Variants in AP2A1 observed in about 807,000 individuals in gnomAD.
AP2A1 encodes adaptor related protein complex 2 subunit alpha 1.
Under a neutral mutation model 107.3 loss-of-function variants are expected in AP2A1, and 21 were observed. The observed-to-expected ratio is 0.20, with a 90% CI of 0.14 to 0.28. The LOEUF (loss-of-function observed/expected upper bound fraction) is 0.28, where lower values mean the gene tolerates loss of function less well. Among genes scored for constraint, AP2A1 ranks in the 10% least tolerant of loss-of-function variants. AP2A1 has a pLI of 1.00. For synonymous variants in AP2A1, 602 were observed against 564.8 expected (o/e 1.07, Z -0.93); for missense variants, 873 against 1,307.7 (o/e 0.67, Z 5.13).
At chr19:49,786,541 C>G (rs2084739062) in intron 4 of AP2A1, among the ~76,000 whole-genome samples, 1 of 152,138 alleles carries the variant, frequency 6.6e-6, no homozygotes, top group South Asian at 2.1e-4. Context: ...TGGGAATTCC[C>G]AAAAGCTGGG....
chr19:49,795,581 T>TGC, intron 6 of AP2A1, 49 bp from the exon 7 acceptor site: 1 of 778,406 alleles, frequency 1.3e-6, no homozygotes, highest in Non-Finnish European at 2.2e-6. Context: ...TGGACCCACG[T>TGC]GCCCCTCCCA....
At chr19:49,804,487 C>G (rs1432967262) in intron 18 of AP2A1, 1 of 151,736 alleles carries the variant, frequency 6.6e-6, no homozygotes, top group Admixed American at 6.6e-5. Flanking sequence ...TTGCAGTAAG[C>G]CGAGATTGCG....
At chr19:49,799,850 A>C in intron 10 of AP2A1, 84 bp downstream of exon 10, 2 of 1,560,910 alleles carry the variant, frequency 1.3e-6, no homozygotes, top group Admixed American at 1.9e-5. Flanking sequence ...CTAAGGGAGG[A>C]GGGGCTGGGG....
rs2073409468 is a variant in AP2A1 at position 49,806,953 on chromosome 19, G to A, written c.*195G>A. The A allele has an allele frequency of 4.6e-6, 7 of 1,533,628 alleles. No homozygotes were observed. The highest frequency in any genetic ancestry group is 6.1e-6 in the Non-Finnish European group (7 of 1,146,694). On this transcript the variant is annotated 3_prime_UTR_variant, in exon 23 of 23. Coordinates refer to ENST00000354293, the MANE Select transcript of AP2A1 (RefSeq NM_130787.3). ...TGTTTACATTCTGGGGGGTTAGGGG[G>A]AGTCCCCCTCCCTCCCTTTCCCCCC...
intron 7 of AP2A1, chr19:49,796,088 A>G (rs1568584306): frequency 1.4e-5 from 4 of 277,460 alleles, no homozygotes; most frequent in Non-Finnish European, 2.8e-5. Context: ...TCACCCGGTC[A>G]GTGGGTGATT....
chr19:49,789,483 G>A (rs1294235515), intron 4 of AP2A1, among the ~76,000 whole-genome samples: 1 of 151,812 alleles, frequency 6.6e-6, no homozygotes, highest in South Asian at 2.1e-4. Flanking sequence ...TAGAGATGGG[G>A]TTTCACCATG....
chr19:49,772,246 GTTTTTTTTT>G (rs71180653), intron 1 of AP2A1, among the ~76,000 whole-genome samples: 10 of 56,174 alleles, frequency 1.8e-4, no homozygotes, highest in African/African-American at 5.5e-4. Context: ...TTTTCATAGA[GTTTTTTTTT>G]TTTTTTTTTT....
rs116381862 is a variant in AP2A1, at chr19:49,791,808, C to G, written c.474-127C>G. ...GTCAGCGCCAGACTGGATCCTGCGGCCGCCTGGCTGTCTGTCCCTCTCGCT... is the reference window on the plus strand; with the variant it reads ...GTCAGCGCCAGACTGGATCCTGCGGGCGCCTGGCTGTCTGTCCCTCTCGCT... On this transcript the variant is annotated intron_variant, in intron 4 of 22. Transcript: ENST00000354293. 751 of 1,272,768 alleles carry G rather than the reference C, an allele frequency of 5.9e-4. 3 individuals carry two copies. The African/African-American group carries it at 0.01, about 18-fold the overall frequency. The allele number at this position is 1,272,768 out of a possible 1,614,324, so 78.8% of individuals were successfully genotyped here.
At chr19:49,800,771 C>T (rs539778643) in intron 11 of AP2A1, 190 bp from the exon 12 acceptor site, 3 of 531,806 alleles carry the variant, frequency 5.6e-6, no homozygotes, top group Admixed American at 3.6e-5. Flanking sequence ...GCTTCCGGCC[C>T]ACAGCCCTGT....
intron 1 of AP2A1, among the ~76,000 whole-genome samples, chr19:49,781,303 G>A (rs1486312798): frequency 3.3e-5 from 5 of 152,128 alleles, no homozygotes; most frequent in African/African-American, 1.2e-4. Flanking sequence ...CTGGTGACTG[G>A]GTGGACAGTG....
Position 49,789,028 on chromosome 19 carries a change from C to T in AP2A1, c.474-2907C>T, listed in dbSNP as rs1225308430. Among the ~76,000 whole-genome samples, 10 of 152,112 alleles carry T rather than the reference C, an allele frequency of 6.6e-5. No individual in the cohort carries two copies. The East Asian group carries it at 9.6e-4, about 15-fold the overall frequency. Reference sequence around the variant, plus strand: ...GAGGGTTCCCAGCACTTTAGGAGGCCGTAGCAACAGGCGTCAGTCGGGCGA... The same window carrying T: ...GAGGGTTCCCAGCACTTTAGGAGGCTGTAGCAACAGGCGTCAGTCGGGCGA... On this transcript the variant is annotated intron_variant, in intron 4 of 22. Coordinates refer to ENST00000354293, the MANE Select transcript of AP2A1 (RefSeq NM_130787.3).
intron 7 of AP2A1, among the ~76,000 whole-genome samples, chr19:49,798,126 A>G (rs1333674753): frequency 6.6e-6 from 1 of 152,130 alleles, no homozygotes; most frequent in Non-Finnish European, 1.5e-5. Flanking sequence ...CTGCGGAACC[A>G]TTTTTTGCTG....
Position 49,801,453 on chromosome 19 carries a change from G to C in AP2A1, c.1617G>C (p.Ala539=), listed in dbSNP as rs2073277849. The C allele has an allele frequency of 6.2e-7, 1 of 1,613,700 alleles. No individual in the cohort carries two copies. The highest frequency in any genetic ancestry group is 1.7e-5 in the Admixed American group (1 of 60,004). ...ATCTGTGCAGCGTGGCCACGCGGGCGCTGCTGCTGTCCACCTACATCAAGT... is the reference window on the plus strand; with the variant it reads ...ATCTGTGCAGCGTGGCCACGCGGGCCCTGCTGCTGTCCACCTACATCAAGT... ...KFHLCSVATR[A]LLLSTYIKFI... The change falls in exon 13 of 23, where the codon GCG becomes GCC. Residue 539 remains alanine, a synonymous_variant. Transcript: ENST00000354293.
chr19:49,801,540 G>T lies in AP2A1; in HGVS notation c.1704G>T (p.Gln568His). Residue 568 changes from glutamine (Q) to histidine (H), a missense_variant, in exon 13 of 23, where the codon CAG (glutamine) becomes CAT (histidine). This residue lies in a region of AP2A1 where 213 missense variants were observed against 443.5 expected (regional missense o/e 0.48). Coordinates refer to ENST00000354293, the MANE Select transcript of AP2A1 (RefSeq NM_130787.3). ...AGGGCGTCCTGCGGGCCGGCTCCCA[G>T]CTGCGCAATGCTGACGTGGAGCTGC... The part of the protein sequence containing the change: ...TIQGVLRAGS[Q>H]LRNADVELQQ... 2 of 1,613,476 alleles carry T rather than the reference G, an allele frequency of 1.2e-6. No homozygotes were observed. Among genetic ancestry groups the T allele is most frequent in the South Asian group, 2.2e-5 (2 of 91,070 alleles).
In AP2A1 at chr19:49,805,727, C is replaced by T. The variant is rs200029184; in HGVS notation, c.2535C>T (p.Pro845=). The change falls in exon 20 of 23, where the codon CCC becomes CCT. Residue 845 remains proline (P), a synonymous_variant. Coordinates refer to ENST00000354293, the MANE Select transcript of AP2A1 (RefSeq NM_130787.3). ...LPVTINKFFQ[P]TEMAAQDFFQ... Reference sequence around the variant, plus strand: ...TGACCATCAACAAGTTCTTCCAGCCCACCGAGATGGCGGCCCAGGATTTCT... The same window carrying T: ...TGACCATCAACAAGTTCTTCCAGCCTACCGAGATGGCGGCCCAGGATTTCT... The T allele has an allele frequency of 3.6e-5, 57 of 1,578,672 alleles. No homozygotes were observed. In the East Asian group the frequency reaches 1.3e-3, roughly 37 times the overall value.
At chr19:49,792,842 C>T (rs760482727) in intron 5 of AP2A1, 149 bp from the exon 6 acceptor site, 1 of 710,434 alleles carries the variant, frequency 1.4e-6, no homozygotes, top group Non-Finnish European at 2.4e-6. Context: ...TCACCCCACC[C>T]CTAAAGCACG....
intron 5 of AP2A1, 59 bp downstream of exon 5, chr19:49,792,123 C>T: frequency 6.4e-7 from 1 of 1,570,048 alleles, no homozygotes; most frequent in Admixed American, 1.8e-5. Flanking sequence ...GCCCTGACCC[C>T]CCTGGATGCC....
rs766541392 is a variant in AP2A1 at position 49,806,104 on chromosome 19, C to T, written c.2656-15C>T. On this transcript the variant is annotated splice_polypyrimidine_tract_variant and intron_variant, in intron 21 of 22. Coordinates refer to ENST00000354293, the MANE Select transcript of AP2A1 (RefSeq NM_130787.3). ...CAGCTCTGGCACACTCTGACGGCGC[C>T]CCCCCTCCTCCCAGCTTCTGGGGTT... 3 of 1,566,768 alleles carry T rather than the reference C, an allele frequency of 1.9e-6. No individual in the cohort carries two copies. The highest frequency in any genetic ancestry group is 1.4e-5 in the African/African-American group (1 of 73,554).
At chr19:49,797,208 A>G (rs2073224153) in intron 7 of AP2A1, 1 of 151,924 alleles carries the variant, frequency 6.6e-6, no homozygotes, top group African/African-American at 2.4e-5. Flanking sequence ...GGACACACCA[A>G]CCCTGTGTCA....
Sources: allele counts gnomAD v4.1 joint callset (sites outside exome capture counted in the v4.1 genomes callset), GRCh38; gene constraint gnomAD v4.1.1; regional missense constraint gnomAD v4.1.1; transcripts MANE v1.5; gene names NCBI Gene and HGNC (gene_info 2026-07-23, HGNC 2026-07-21).